Variants in PRKDC observed in about 807,000 individuals in gnomAD.
The protein encoded by PRKDC is DNA-dependent protein kinase catalytic subunit.
Under a neutral mutation model 486.9 loss-of-function variants are expected in PRKDC, and 82 were observed. The ratio of observed to expected loss-of-function variants is 0.17; its 90% confidence interval spans 0.14 to 0.20. PRKDC has a LOEUF of 0.20. Among genes scored for constraint, PRKDC ranks in the 10% least tolerant of loss-of-function variants. The pLI is 1.00. For synonymous variants in PRKDC, 1,895 were observed against 1,837.0 expected, an observed-to-expected ratio of 1.03 and a Z score of -0.81; for missense variants, 4,504 against 5,038.2, an observed-to-expected ratio of 0.89 and a Z score of 3.21.
chr8:47,863,684 T>C, intron 41 of PRKDC, 107 bp from the exon 42 acceptor site: 1 of 965,054 alleles, frequency 1.0e-6, no homozygotes. Flanking sequence ...GACAGAATTT[T>C]AACAGTCAAA....
At chr8:47,939,901 A>G (rs2090414956) in intron 10 of PRKDC, 2 of 338,196 alleles carry the variant, frequency 5.9e-6, no homozygotes, top group African/African-American at 2.1e-5. Context: ...GCTATGTGAT[A>G]CATTTTTCCT....
At chr8:47,789,657 A>G (rs1482446654) in intron 74 of PRKDC, among the ~76,000 whole-genome samples, 1 of 152,192 alleles carries the variant, frequency 6.6e-6, no homozygotes, top group Non-Finnish European at 1.5e-5. Flanking sequence ...AAAAATCCTC[A>G]ACAAAATACT....
chr8:47,801,210 TA>T (rs2087101881), intron 70 of PRKDC, among the ~76,000 whole-genome samples: 1 of 152,148 alleles, frequency 6.6e-6, no homozygotes, highest in Non-Finnish European at 1.5e-5. Flanking sequence ...TAGCTGGGAC[TA>T]CAGGCTTGCA....
intron 63 of PRKDC, 95 bp from the exon 64 acceptor site, chr8:47,824,091 A>T: frequency 5.0e-6 from 6 of 1,209,980 alleles, no homozygotes; most frequent in Non-Finnish European, 6.5e-6. Flanking sequence ...GTTGCCACAC[A>T]TTATATTAAC....
At chr8:47,789,685 A>G (rs965710137) in intron 74 of PRKDC, among the ~76,000 whole-genome samples, 1 of 152,222 alleles carries the variant, frequency 6.6e-6, no homozygotes, top group African/African-American at 2.4e-5. Flanking sequence ...CAAATTCAAC[A>G]GCACATTAAA....
chr8:47,889,881 T>C (rs915368357), intron 32 of PRKDC, among the ~76,000 whole-genome samples: 2 of 152,088 alleles, frequency 1.3e-5, no homozygotes, highest in African/African-American at 4.8e-5. Context: ...AAAGTTCCCA[T>C]CAGAAAAAAT....
At chr8:47,791,748 T>G (rs1456885079) in intron 74 of PRKDC, among the ~76,000 whole-genome samples, 1 of 152,164 alleles carries the variant, frequency 6.6e-6, no homozygotes, top group Non-Finnish European at 1.5e-5. Context: ...TGTATACTAT[T>G]GGTGGGAATG....
chr8:47,829,364 T>C (rs180857290), intron 61 of PRKDC, among the ~76,000 whole-genome samples: 18 of 152,352 alleles, frequency 1.2e-4, no homozygotes, highest in African/African-American at 4.3e-4. Context: ...GATTTTTGCA[T>C]ATTGTTGAAA....
At chr8:47,912,858 G>A (rs1401704011) in intron 24 of PRKDC, among the ~76,000 whole-genome samples, 1 of 152,164 alleles carries the variant, frequency 6.6e-6, no homozygotes, top group Non-Finnish European at 1.5e-5. Context: ...TCATCTGTTA[G>A]CACATTTTCA....
At chr8:47,955,846 A>C (rs1363436104) in intron 4 of PRKDC, 28 bp downstream of exon 4, 3 of 1,505,820 alleles carry the variant, frequency 2.0e-6, no homozygotes, top group Non-Finnish European at 2.7e-6. Context: ...GTTTAATGTA[A>C]AATACGTGTA....
chr8:47,943,458 CTG>C (rs1335120845), intron 9 of PRKDC, 92 bp from the exon 10 acceptor site: 125 of 1,330,446 alleles, frequency 9.4e-5, no homozygotes, highest in Non-Finnish European at 1.2e-4. Flanking sequence ...AAAGTCAACA[CTG>C]TGCTCAGGAA....
At position 47,863,464 on chromosome 8, in the gene PRKDC, T is replaced by G. The variant is rs1450916866; in HGVS notation, c.5685A>C (p.Lys1895Asn). 6.2e-7 allele frequency: 1 copy of G among 1,612,514 alleles called. No individual in the cohort carries two copies. The highest frequency in any genetic ancestry group is 1.7e-5 in the Admixed American group (1 of 59,916). ...PKDDVHAKES[K>N]INQVFHGSCI... The stretch of plus-strand genomic sequence containing the variant: ...ACGAGCCATGGAAAACTTGATTAAT[T>G]TTTGATTCCTTAGCATGAACATCAT... The change falls in exon 42 of 86, where the codon AAA becomes AAC. Residue 1895 changes from lysine (K) to asparagine (N), a missense_variant. Coordinates refer to ENST00000314191, the MANE Select transcript of PRKDC (RefSeq NM_006904.7).
At chr8:47,881,043 TAAAA>T (rs57817228) in intron 38 of PRKDC, among the ~76,000 whole-genome samples, 1 of 90,486 alleles carries the variant, frequency 1.1e-5, no homozygotes. Flanking sequence ...CGAGACTGTC[TAAAA>T]AAAAAAAAAA....
chr8:47,783,679 G>A (rs759661112), intron 78 of PRKDC, 63 bp downstream of exon 78: 2 of 1,529,258 alleles, frequency 1.3e-6, no homozygotes, highest in South Asian at 1.1e-5. Flanking sequence ...AAGGCAAACA[G>A]ATCATTCTCA....
intron 40 of PRKDC, among the ~76,000 whole-genome samples, chr8:47,868,430 C>T (rs904431741): frequency 2.0e-5 from 3 of 151,678 alleles, no homozygotes; most frequent in Non-Finnish European, 2.9e-5. Flanking sequence ...AAAGGCTGGG[C>T]GTGATAGCAT....
At chr8:47,857,599 T>G (rs1371419604) in intron 48 of PRKDC, among the ~76,000 whole-genome samples, 1 of 151,798 alleles carries the variant, frequency 6.6e-6, no homozygotes, top group Non-Finnish European at 1.5e-5. Context: ...ATGCTAGGAG[T>G]AGCCTGGACC....
intron 12 of PRKDC, among the ~76,000 whole-genome samples, 180 bp from the exon 13 acceptor site, chr8:47,936,080 C>T (rs1181128450): frequency 1.3e-5 from 2 of 151,998 alleles, no homozygotes. Flanking sequence ...AAAACACACA[C>T]TCAGAGTAAA....
intron 11 of PRKDC, among the ~76,000 whole-genome samples, chr8:47,938,423 AAAAAAAAGAAAG>A (rs1476847064): frequency 1.6e-4 from 24 of 152,114 alleles, no homozygotes; most frequent in Admixed American, 9.2e-4. Flanking sequence ...AAAATTAAAA[AAAAAAAAGAAAG>A]AAAAAAAGAA....
chr8:47,879,388 A>G, intron 39 of PRKDC, 103 bp downstream of exon 39: 1 of 1,122,914 alleles, frequency 8.9e-7, no homozygotes, highest in Non-Finnish European at 1.2e-6. Flanking sequence ...GTGGTTTACA[A>G]CTTCTCTGAT....
Sources: gnomAD v4.1 joint callset for allele counts (sites outside exome capture counted in the v4.1 genomes callset) on GRCh38, gnomAD v4.1.1 for gene constraint, MANE v1.5 for transcripts, NCBI Gene and HGNC (gene_info 2026-07-23, HGNC 2026-07-21) for gene names.